DNAJC1: variants seen among roughly 807,000 people sequenced by gnomAD.
DNAJC1 encodes the protein dnaJ homolog subfamily C member 1.
Under a neutral mutation model 76.6 loss-of-function variants are expected in DNAJC1, and 58 were observed. The ratio of observed to expected loss-of-function variants is 0.76; its 90% CI spans 0.61 to 0.94. The LOEUF is 0.94. Ranked by LOEUF, DNAJC1 falls within the 40% of genes least tolerant of loss-of-function variation. DNAJC1 has a pLI of 0.00. For synonymous variants in DNAJC1, 258 were observed against 267.9 expected (o/e 0.96, Z 0.36); for missense variants, 689 against 677.3 (o/e 1.02, Z -0.19).
intron 8 of DNAJC1, among the ~76,000 whole-genome samples, chr10:21,874,948 T>C (rs1343152596): frequency 2.0e-5 from 3 of 152,184 alleles, no homozygotes; most frequent in African/African-American, 7.2e-5. Context: ...TGGTGTGATC[T>C]TGGCTCACTA....
chr10:21,905,489 C>G (rs1432208827), intron 6 of DNAJC1, among the ~76,000 whole-genome samples: 1 of 152,140 alleles, frequency 6.6e-6, no homozygotes, highest in Non-Finnish European at 1.5e-5. Context: ...CAATATTGTA[C>G]TTCCCTGGCA....
At chr10:21,834,238 T>C (rs1835413099) in intron 8 of DNAJC1, among the ~76,000 whole-genome samples, 1 of 151,692 alleles carries the variant, frequency 6.6e-6, no homozygotes, top group South Asian at 2.1e-4. Context: ...CACTCCAGCC[T>C]GGGCGACAGA....
At chr10:21,872,951 G>A (rs965723342) in intron 8 of DNAJC1, among the ~76,000 whole-genome samples, 7 of 152,176 alleles carry the variant, frequency 4.6e-5, no homozygotes, top group East Asian at 1.9e-4. Flanking sequence ...ACAGCCCGGC[G>A]CCGTGCCCTG....
intron 9 of DNAJC1, among the ~76,000 whole-genome samples, chr10:21,794,633 G>T (rs1227859454): frequency 6.6e-6 from 1 of 152,064 alleles, no homozygotes; most frequent in East Asian, 1.9e-4. Context: ...AAATGTAGGA[G>T]AAATTCTTTG....
chr10:21,833,589 C>A (rs191727985), intron 8 of DNAJC1, among the ~76,000 whole-genome samples: 9 of 152,278 alleles, frequency 5.9e-5, no homozygotes, highest in Non-Finnish European at 1.2e-4. Context: ...TTTACCTTGC[C>A]TCTCAGTTTT....
At chr10:21,800,244 A>G (rs1025198291) in intron 9 of DNAJC1, among the ~76,000 whole-genome samples, 2 of 152,102 alleles carry the variant, frequency 1.3e-5, no homozygotes, top group African/African-American at 4.8e-5. Flanking sequence ...AACACTTTTC[A>G]CTTCATGGGC....
chr10:21,949,015 A>C (rs958134931), intron 1 of DNAJC1, among the ~76,000 whole-genome samples: 1 of 152,208 alleles, frequency 6.6e-6, no homozygotes, highest in Admixed American at 6.5e-5. Flanking sequence ...CAGTGGAGGC[A>C]ATATTTTTAA....
rs148865724 is a variant in DNAJC1, at chr10:21,935,106, G to T, written c.223-5965C>A. 7.8e-4 allele frequency among the ~76,000 whole-genome samples: 119 copies of T among 152,086 alleles called. 1 individual carries two copies. In the East Asian group the frequency reaches 0.014, roughly 18 times the overall value. On this transcript the variant is annotated intron_variant, in intron 1 of 11. Transcript: ENST00000376980. ...AATTATAAAGCATGGAAAGAAACAG[G>T]AAAGTATGGTCTTCAGAGAAAAAAA...
intron 1 of DNAJC1, among the ~76,000 whole-genome samples, chr10:21,968,703 G>T (rs1485219173): frequency 6.6e-6 from 1 of 151,736 alleles, no homozygotes; most frequent in Non-Finnish European, 1.5e-5. Flanking sequence ...GTAGAGACAG[G>T]GTTTCACCGT....
intron 1 of DNAJC1, among the ~76,000 whole-genome samples, chr10:21,994,663 C>A (rs1199927407): frequency 6.6e-6 from 1 of 151,748 alleles, no homozygotes; most frequent in South Asian, 2.1e-4. Context: ...TGGTGGCGGG[C>A]GCCTGTAGTC....
At chr10:21,964,045 G>C (rs1010735628) in intron 1 of DNAJC1, among the ~76,000 whole-genome samples, 2 of 152,018 alleles carry the variant, frequency 1.3e-5, no homozygotes, top group African/African-American at 4.8e-5. Flanking sequence ...TAGTTAATTT[G>C]AAATGCATAT....
chr10:21,806,237 T>G (rs1484129009), intron 8 of DNAJC1, 138 bp from the exon 9 acceptor site: 5 of 939,604 alleles, frequency 5.3e-6, no homozygotes, highest in Non-Finnish European at 7.7e-6. Flanking sequence ...AAAACAATAC[T>G]AAATTGTATC....
chr10:21,880,439 C>T (rs953306619), intron 8 of DNAJC1, among the ~76,000 whole-genome samples: 1 of 152,124 alleles, frequency 6.6e-6, no homozygotes, highest in African/African-American at 2.4e-5. Flanking sequence ...CACCTACAGC[C>T]TTATAAAATA....
chr10:21,977,140 A>G (rs1309954795), intron 1 of DNAJC1, among the ~76,000 whole-genome samples: 1 of 152,140 alleles, frequency 6.6e-6, no homozygotes, highest in Non-Finnish European at 1.5e-5. Context: ...TCTCCCGGCA[A>G]TTCTCACAAA....
intron 1 of DNAJC1, among the ~76,000 whole-genome samples, chr10:21,975,385 T>G (rs1452343046): frequency 6.6e-6 from 1 of 151,754 alleles, no homozygotes; most frequent in African/African-American, 2.4e-5. Context: ...ACTAAGGAAT[T>G]ATTAGGGAGG....
intron 9 of DNAJC1, among the ~76,000 whole-genome samples, chr10:21,795,899 GAGA>G (rs982334903): frequency 6.6e-6 from 1 of 151,600 alleles, no homozygotes; most frequent in Non-Finnish European, 1.5e-5. Flanking sequence ...GTCCTTATAG[GAGA>G]AGATTATTTC....
chr10:21,808,897 A>G (rs1834922731), intron 8 of DNAJC1, among the ~76,000 whole-genome samples: 1 of 152,228 alleles, frequency 6.6e-6, no homozygotes, highest in Non-Finnish European at 1.5e-5. Flanking sequence ...AAGCACTCCA[A>G]TTTTGCATCA....
At position 22,001,140 on chromosome 10, in the gene DNAJC1, A is replaced by G. The variant is rs142848414; in HGVS notation, c.222+2073T>C. Among the ~76,000 whole-genome samples the G allele has an allele frequency of 8.6e-4, 131 of 152,334 alleles. 1 individual carries two copies. Among genetic ancestry groups the G allele is most frequent in the African/African-American group, 3.0e-3 (126 of 41,564 alleles). On this transcript the variant is annotated intron_variant, in intron 1 of 11. Transcript: ENST00000376980. Reference sequence around the variant, plus strand: ...CAATGCTTAAAATCCAATAGGCACCAAACAAATCTCTGTTGCGTGAACAAG... The same window carrying G: ...CAATGCTTAAAATCCAATAGGCACCGAACAAATCTCTGTTGCGTGAACAAG...
chr10:21,763,366 C>A (rs567831860), intron 10 of DNAJC1, among the ~76,000 whole-genome samples: 1 of 152,118 alleles, frequency 6.6e-6, no homozygotes, highest in Non-Finnish European at 1.5e-5. Flanking sequence ...TAGTCTTCAG[C>A]GAGTATGCTG....
Sources: gnomAD v4.1 joint callset for allele counts (sites outside exome capture counted in the v4.1 genomes callset) on GRCh38, gnomAD v4.1.1 for gene constraint, MANE v1.5 for transcripts, NCBI Gene and HGNC (gene_info 2026-07-23, HGNC 2026-07-21) for gene names.